The following AK5 variants were observed in gnomAD, a reference collection of about 807,000 sequenced individuals.
AK5 encodes the protein adenylate kinase 5, also known as adenylate kinase isoenzyme 5.
In AK5, 27 loss-of-function variants were observed where a neutral mutation model predicts 69.5. The ratio of observed to expected loss-of-function variants is 0.39; its 90% CI spans 0.29 to 0.54. The LOEUF is 0.54. AK5 is among the 20% of genes least tolerant of loss of function. The pLI is 0.71. For missense variants in AK5, 531 were observed against 700.4 expected, an observed-to-expected ratio of 0.76 and a Z score of 2.73; for synonymous variants, 260 against 244.4, an observed-to-expected ratio of 1.06 and a Z score of -0.60.
chr1:77,499,870 ATTTTTTTTT>A (rs1178365313), intron 10 of AK5, among the ~76,000 whole-genome samples: 1 of 50,452 alleles, frequency 2.0e-5, no homozygotes, highest in African/African-American at 1.1e-4. Flanking sequence ...CCCTTTTTCC[ATTTTTTTTT>A]TTTTTTTTTT....
chr1:77,322,662 A>G (rs1660595485), intron 5 of AK5, among the ~76,000 whole-genome samples: 1 of 152,216 alleles, frequency 6.6e-6, no homozygotes, highest in African/African-American at 2.4e-5. Context: ...AGATTAAATG[A>G]CTGGCTGGAA....
chr1:77,298,374 G>T (rs1193650460), intron 5 of AK5, among the ~76,000 whole-genome samples: 1 of 151,720 alleles, frequency 6.6e-6, no homozygotes, highest in Non-Finnish European at 1.5e-5. Flanking sequence ...ATTAAGATAG[G>T]GTTCAGTTGC....
intron 10 of AK5, among the ~76,000 whole-genome samples, chr1:77,495,194 T>C (rs1656237453): frequency 6.6e-6 from 1 of 152,114 alleles, no homozygotes; most frequent in Admixed American, 6.5e-5. Flanking sequence ...TAAATAACTT[T>C]CCCAAGGTTA....
At chr1:77,352,248 A>G (rs1020341899) in intron 6 of AK5, among the ~76,000 whole-genome samples, 1 of 152,142 alleles carries the variant, frequency 6.6e-6, no homozygotes, top group African/African-American at 2.4e-5. Flanking sequence ...TAGTTCTATG[A>G]AAAATGGTTA....
chr1:77,293,695 C>A (rs2815310), intron 2 of AK5, 98 bp from the exon 3 acceptor site: 11 of 1,025,716 alleles, frequency 1.1e-5, no homozygotes, highest in South Asian at 1.9e-5. Flanking sequence ...AAAAACAAAC[C>A]CATTTAATTT....
chr1:77,294,006 T>G, intron 3 of AK5, 46 bp downstream of exon 3: 4 of 1,553,986 alleles, frequency 2.6e-6, no homozygotes, highest in Non-Finnish European at 3.5e-6. Context: ...GCTGCCTTTG[T>G]TTATATATTT....
At chr1:77,505,921 TAGAA>T (rs1377492624) in intron 10 of AK5, among the ~76,000 whole-genome samples, 6 of 151,360 alleles carry the variant, frequency 4.0e-5, no homozygotes, top group Admixed American at 1.3e-4. Flanking sequence ...GAAGGAAAAA[TAGAA>T]AGGAGGAGGT....
intron 8 of AK5, among the ~76,000 whole-genome samples, chr1:77,423,076 C>G (rs1296178230): frequency 6.6e-6 from 1 of 151,896 alleles, no homozygotes; most frequent in Non-Finnish European, 1.5e-5. Flanking sequence ...AAAAAATTAG[C>G]CGGGCGTGGT....
chr1:77,312,166 G>A (rs1462253832), intron 5 of AK5, among the ~76,000 whole-genome samples: 4 of 152,054 alleles, frequency 2.6e-5, no homozygotes, highest in African/African-American at 7.3e-5. Context: ...TACAATTCAC[G>A]TCAATTCTAT....
intron 10 of AK5, among the ~76,000 whole-genome samples, chr1:77,496,825 T>TTCTGTAAAATGGACCAATCAGCAC (rs1250523396): frequency 9.2e-5 from 14 of 151,988 alleles, no homozygotes; most frequent in African/African-American, 2.9e-4. Context: ...CCAATCGGCA[T>TTCTGTAAAATGGACCAATCAGCAC]TCTGTAAAAT....
intron 8 of AK5, among the ~76,000 whole-genome samples, chr1:77,435,504 T>G (rs1411570369): frequency 1.3e-5 from 2 of 151,786 alleles, no homozygotes; most frequent in East Asian, 3.9e-4. Context: ...AAAAATTAGC[T>G]TGGCATGGTG....
chr1:77,556,152 T>G (rs1397256928), intron 13 of AK5, among the ~76,000 whole-genome samples: 1 of 152,244 alleles, frequency 6.6e-6, no homozygotes, highest in African/African-American at 2.4e-5. Flanking sequence ...ATGTAGAGTT[T>G]GAGGAATAAA....
chr1:77,295,974 G>T (rs537127934), intron 3 of AK5, among the ~76,000 whole-genome samples: 15 of 152,142 alleles, frequency 9.9e-5, no homozygotes, highest in Non-Finnish European at 1.6e-4. Context: ...TACATGCTGT[G>T]TTGTAACATT....
intron 8 of AK5, among the ~76,000 whole-genome samples, chr1:77,423,941 A>G (rs1356393415): frequency 6.6e-6 from 1 of 152,040 alleles, no homozygotes; most frequent in Non-Finnish European, 1.5e-5. Flanking sequence ...AGAAAACCCA[A>G]CTCTAGCCAC....
intron 1 of AK5, 87 bp from the exon 2 acceptor site, chr1:77,286,854 T>A: frequency 1.1e-6 from 1 of 886,162 alleles, no homozygotes; most frequent in Non-Finnish European, 1.5e-6. Context: ...TTCAAAAAAA[T>A]TAATTAATTA....
chr1:77,497,670 C>T (rs145766111), intron 10 of AK5, among the ~76,000 whole-genome samples: 2 of 151,886 alleles, frequency 1.3e-5, no homozygotes, highest in East Asian at 3.9e-4. Context: ...TCACTGCAAC[C>T]CCGACTTCCC....
intron 10 of AK5, among the ~76,000 whole-genome samples, chr1:77,487,981 G>A (rs1655706827): frequency 6.6e-6 from 1 of 152,230 alleles, no homozygotes; most frequent in South Asian, 2.1e-4. Context: ...CCTGGGTCAA[G>A]TGTTTGGAGT....
At chr1:77,523,046 G>A (rs544241494) in intron 12 of AK5, among the ~76,000 whole-genome samples, 1 of 152,214 alleles carries the variant, frequency 6.6e-6, no homozygotes, top group South Asian at 2.1e-4. Flanking sequence ...AAGATTTTGC[G>A]GGACCCATCG....
At chr1:77,486,248 A>G in intron 9 of AK5, 60 bp from the exon 10 acceptor site, 1 of 1,181,234 alleles carries the variant, frequency 8.5e-7, no homozygotes, top group Non-Finnish European at 1.2e-6. Flanking sequence ...TAATATGAGT[A>G]AAACCAGGGC....
Sources: gnomAD v4.1 joint callset for allele counts (sites outside exome capture counted in the v4.1 genomes callset) on GRCh38, gnomAD v4.1.1 for gene constraint, MANE v1.5 for transcripts, NCBI Gene and HGNC (gene_info 2026-07-23, HGNC 2026-07-21) for gene names.